The following SLC15A1 variants were observed in gnomAD, a reference collection of about 807,000 sequenced individuals.
SLC15A1 encodes Caco-2 oligopeptide transporter.
A neutral mutation model predicts 92.9 loss-of-function variants in SLC15A1; 83 were observed. That is an observed-to-expected ratio of 0.89 (90% CI 0.75 to 1.07). The LOEUF is 1.07. Ranked by LOEUF, SLC15A1 falls within the 50% of genes least tolerant of loss-of-function variation. The probability of loss-of-function intolerance (pLI) is 0.00; values close to 1 mark genes in which losing one functional copy is unlikely to be tolerated. For synonymous variants in SLC15A1, 322 were observed against 318.2 expected (o/e 1.01, Z -0.13); for missense variants, 857 against 880.1 (o/e 0.97, Z 0.33).
chr13:98,746,587 C>T (rs1178120429), intron 1 of SLC15A1, among the ~76,000 whole-genome samples: 2 of 152,112 alleles, frequency 1.3e-5, no homozygotes, highest in East Asian at 1.9e-4. Context: ...CTGCCATGTC[C>T]TAATAGAGCT....
At chr13:98,714,944 C>A (rs1278127230) in intron 9 of SLC15A1, among the ~76,000 whole-genome samples, 1 of 152,088 alleles carries the variant, frequency 6.6e-6, no homozygotes, top group African/African-American at 2.4e-5. Context: ...TGTGTATATG[C>A]ATATCCTATG....
intron 1 of SLC15A1, among the ~76,000 whole-genome samples, chr13:98,735,009 A>C (rs2088380479): frequency 6.6e-6 from 1 of 152,238 alleles, no homozygotes; most frequent in Admixed American, 6.5e-5. Flanking sequence ...CTGATACCAA[A>C]GTCTGGCAGA....
intron 1 of SLC15A1, among the ~76,000 whole-genome samples, chr13:98,743,417 C>T (rs2088465190): frequency 6.6e-6 from 1 of 152,178 alleles, no homozygotes; most frequent in Admixed American, 6.5e-5. Context: ...CCTGTAACTA[C>T]AGGCATGAAT....
chr13:98,715,214 G>A (rs1275419069), intron 9 of SLC15A1, among the ~76,000 whole-genome samples: 2 of 151,916 alleles, frequency 1.3e-5, no homozygotes, highest in East Asian at 1.9e-4. Flanking sequence ...TCCCTCTGTC[G>A]CCCAGGCTGG....
chr13:98,739,012 C>T (rs1467407785), intron 1 of SLC15A1, among the ~76,000 whole-genome samples: 1 of 152,234 alleles, frequency 6.6e-6, no homozygotes, highest in Non-Finnish European at 1.5e-5. Flanking sequence ...ATCAATGTGC[C>T]CTGGATGTGG....
Position 98,715,980 on chromosome 13 carries a change from A to T in SLC15A1, c.641-20T>A, listed in dbSNP as rs1566450977. ...ACACAACTAGATAGGGCAGAAGAAG[A>T]CATGTCAGCAAAGCATGTGACCGAG... On this transcript the variant is annotated intron_variant, in intron 8 of 22. Coordinates refer to ENST00000376503, the MANE Select transcript of SLC15A1 (RefSeq NM_005073.4). The T allele has an allele frequency of 6.2e-7, 1 of 1,608,074 alleles. No individual in the cohort carries two copies. The highest frequency in any genetic ancestry group is 8.5e-7 in the Non-Finnish European group (1 of 1,174,510).
At chr13:98,709,188 C>T (rs775007249) in intron 14 of SLC15A1, among the ~76,000 whole-genome samples, 9 of 151,998 alleles carry the variant, frequency 5.9e-5, no homozygotes, top group Non-Finnish European at 1.3e-4. Context: ...AGGCTGGTCT[C>T]GAACTCCTGA....
intron 16 of SLC15A1, among the ~76,000 whole-genome samples, chr13:98,705,061 T>C (rs1003376002): frequency 5.3e-5 from 8 of 151,722 alleles, no homozygotes; most frequent in Non-Finnish European, 1.0e-4. Context: ...TAGTTGGGTG[T>C]GGTGGTTCAT....
chr13:98,708,119 CAGAG>C lies in SLC15A1; in HGVS notation c.1149+563_1149+566del, dbSNP rs372353942. On this transcript the variant is annotated intron_variant, in intron 15 of 22. Transcript: ENST00000376503. ...GGGGAGGGAAGGAACGAGAGAAAGA[CAGAG>C]AGAGAGAGGCAAAGAGAGGGAGGAA... is the stretch of plus-strand genomic sequence containing the variant. Among the ~76,000 whole-genome samples, 9 of 150,726 alleles carry C rather than the reference CAGAG, an allele frequency of 6.0e-5. No homozygotes were observed. The East Asian group carries it at 1.2e-3, about 20-fold the overall frequency.
chr13:98,726,138 C>T lies in SLC15A1; in HGVS notation c.230G>A (p.Trp77Ter), dbSNP rs1321140067. The T allele has an allele frequency of 1.2e-6, 2 of 1,613,958 alleles. No homozygotes were observed. The highest frequency in any genetic ancestry group is 1.7e-6 in the Non-Finnish European group (2 of 1,179,950). The change falls in exon 4 of 23, where the codon TGG becomes TAG. Residue 77 changes from tryptophan (W) to a stop codon, truncating the protein, a stop_gained. Transcript: ENST00000376503. LOFTEE classifies it high-confidence loss of function. ...PILGALIADS[W>*]LGKFKTIVSL... ...AGCCACTCACTTGAACTTTCCCAGC[C>T]ACGAGTCGGCGATAAGAGCTCCGAG...
intron 1 of SLC15A1, among the ~76,000 whole-genome samples, chr13:98,751,552 G>C (rs1327284474): frequency 2.0e-5 from 3 of 152,204 alleles, no homozygotes; most frequent in South Asian, 2.1e-4. Flanking sequence ...AGCTGAGCTC[G>C]GCCACAGTCT....
At chr13:98,691,000 T>TCC (rs1166360117) in intron 18 of SLC15A1, among the ~76,000 whole-genome samples, 3 of 152,206 alleles carry the variant, frequency 2.0e-5, no homozygotes, top group African/African-American at 7.2e-5. Context: ...TAGCATATTG[T>TCC]CTTTCACATT....
intron 1 of SLC15A1, among the ~76,000 whole-genome samples, chr13:98,747,630 C>A (rs909066992): frequency 1.3e-5 from 2 of 152,226 alleles, no homozygotes; most frequent in African/African-American, 4.8e-5. Flanking sequence ...CCTGTAATCC[C>A]AGCACTTTGG....
intron 15 of SLC15A1, 113 bp downstream of exon 15, chr13:98,708,573 A>T: frequency 4.8e-6 from 4 of 839,874 alleles, no homozygotes; most frequent in Non-Finnish European, 7.1e-6. Context: ...GGCTCAGTTT[A>T]CAGAGAAAGA....
intron 18 of SLC15A1, among the ~76,000 whole-genome samples, chr13:98,697,086 T>C (rs929911559): frequency 5.9e-5 from 9 of 152,028 alleles, no homozygotes; most frequent in Non-Finnish European, 8.8e-5. Context: ...GAGGGAGTCT[T>C]GCTCTGTCAC....
chr13:98,725,869 G>A (rs1402196837), intron 4 of SLC15A1, among the ~76,000 whole-genome samples: 1 of 152,146 alleles, frequency 6.6e-6, no homozygotes, highest in African/African-American at 2.4e-5. Flanking sequence ...GGGGCCACAG[G>A]TGTATGCCAC....
rs528865683 is a variant in SLC15A1, at chr13:98,692,136, C to CTTTTT, written c.1467-3564_1467-3560dup. Among the ~76,000 whole-genome samples, 23 of 67,640 alleles carry CTTTTT rather than the reference C, an allele frequency of 3.4e-4. 1 individual carries two copies. Among genetic ancestry groups the CTTTTT allele is most frequent in the South Asian group, 6.3e-4 (1 of 1,596 alleles). 44.4% of individuals were successfully genotyped at this position (67,640 alleles called of 152,430 possible). A position where few individuals can be genotyped will look rare whatever the true frequency, so the allele number is the denominator to read the frequency against. On this transcript the variant is annotated intron_variant, in intron 18 of 22. Transcript: ENST00000376503. The stretch of plus-strand genomic sequence containing the variant: ...AGGAGTCCCCCTCTCTTCTCCTAAA[C>CTTTTT]TTTTTTTTTTTTTTTTTTTTTTTTT...
At chr13:98,742,647 G>A (rs1594011213) in intron 1 of SLC15A1, among the ~76,000 whole-genome samples, 1 of 152,174 alleles carries the variant, frequency 6.6e-6, no homozygotes, top group African/African-American at 2.4e-5. Context: ...CTGTCTCCTG[G>A]TGCTTTGAGG....
chr13:98,750,279 A>C (rs919744528), intron 1 of SLC15A1, among the ~76,000 whole-genome samples: 2 of 151,760 alleles, frequency 1.3e-5, no homozygotes, highest in Admixed American at 1.3e-4. Flanking sequence ...TGCCCAGCTA[A>C]TTTTTGTATT....
Sources: allele counts gnomAD v4.1 joint callset (sites outside exome capture counted in the v4.1 genomes callset), GRCh38; gene constraint gnomAD v4.1.1; transcripts MANE v1.5; gene names NCBI Gene and HGNC (gene_info 2026-07-23, HGNC 2026-07-21).